The following INTS11 variants were observed in gnomAD, a reference collection of about 807,000 sequenced individuals.
INTS11 encodes the protein integrator complex subunit 11, also known as CPSF3-like protein.
Under a neutral mutation model 78.6 loss-of-function variants are expected in INTS11, and 77 were observed. The ratio of observed to expected loss-of-function variants is 0.98; its 90% CI spans 0.81 to 1.18. INTS11 has a LOEUF of 1.18. INTS11 is among the 50% of genes most tolerant of loss of function. The probability of loss-of-function intolerance (pLI) is 0.00; values close to 1 mark genes in which losing one functional copy is unlikely to be tolerated. For synonymous variants in INTS11, 441 were observed against 326.9 expected, an observed-to-expected ratio of 1.35 and a Z score of -3.77; for missense variants, 875 against 825.9, an observed-to-expected ratio of 1.06 and a Z score of -0.73.
chr1:1,317,447 G>A (rs1268030140), intron 4 of INTS11: 6 of 964,954 alleles, frequency 6.2e-6, no homozygotes, highest in Non-Finnish European at 7.4e-6. Context: ...AACACCATAT[G>A]ACACATAACC....
chr1:1,324,463 G>C (rs1431133748), intron 1 of INTS11, 118 bp downstream of exon 1: 8 of 1,090,248 alleles, frequency 7.3e-6, no homozygotes, highest in Non-Finnish European at 1.1e-5. Flanking sequence ...GGAGGAGACC[G>C]GAGGACGCCC....
chr1:1,311,983 G>C (rs1642197658), intron 16 of INTS11, 35 bp downstream of exon 16: 5 of 1,597,470 alleles, frequency 3.1e-6, no homozygotes, highest in East Asian at 2.2e-5. Flanking sequence ...GTTGATACCT[G>C]TGTTGACCGC....
intron 1 of INTS11, 107 bp from the exon 2 acceptor site, chr1:1,321,200 C>A: frequency 1.2e-6 from 1 of 825,270 alleles, no homozygotes; most frequent in South Asian, 1.6e-5. Flanking sequence ...ACCAAGTCTG[C>A]TGTGTGGACA....
At chr1:1,313,676 G>A in intron 9 of INTS11, 56 bp downstream of exon 9, 1 of 1,610,288 alleles carries the variant, frequency 6.2e-7, no homozygotes, top group Non-Finnish European at 8.5e-7. Context: ...GACACCTGCG[G>A]AAGACAGGAG....
chr1:1,313,607 G>T lies in INTS11; in HGVS notation c.958-15C>A, dbSNP rs757313978. 1.2e-6 allele frequency: 2 copies of T among 1,612,694 alleles called. No individual in the cohort carries two copies. The highest frequency in any genetic ancestry group is 2.7e-5 in the African/African-American group (2 of 74,954). On this transcript the variant is annotated splice_polypyrimidine_tract_variant and intron_variant, in intron 9 of 16. Coordinates refer to ENST00000435064, the MANE Select transcript of INTS11 (RefSeq NM_017871.6). ...GCAAACACAACCTACAGGACACACA[G>T]GGCCAGGTGGGGGGTCAGGGCAGCA...
intron 1 of INTS11, among the ~76,000 whole-genome samples, 174 bp downstream of exon 1, chr1:1,324,407 G>A (rs907189362): frequency 6.6e-6 from 1 of 152,148 alleles, no homozygotes; most frequent in African/African-American, 2.4e-5. Flanking sequence ...GAGGCCCGGG[G>A]TGCAGGGACT....
chr1:1,320,017 G>A (rs1166335331), intron 3 of INTS11: 1 of 107,794 alleles, frequency 9.3e-6, no homozygotes, highest in Non-Finnish European at 2.4e-5. Flanking sequence ...TCACGGGCCT[G>A]GCTGCTGGGG....
intron 2 of INTS11, chr1:1,320,730 CAG>C: frequency 5.5e-6 from 4 of 722,344 alleles, no homozygotes; most frequent in Non-Finnish European, 1.0e-5. Flanking sequence ...ACCTCACTGA[CAG>C]ATGTGAGCTG....
Position 1,314,907 on chromosome 1 carries a change from C to T in INTS11, c.619G>A (p.Ala207Thr), listed in dbSNP as rs1277734827. ...CGCTTGGAGTCACGGATGGTCGTGG[C>T]GTACGTGGACTCTGTGATGAGCAGG... The part of the protein sequence containing the change: ...PNLLITESTY[A>T]TTIRDSKRCR... Residue 207 changes from alanine to threonine, a missense_variant, in exon 7 of 17, where the codon GCC becomes ACC. Ala to Thr is a moderately conservative substitution (Grantham distance 58, BLOSUM62 0). Transcript: ENST00000435064. This position sits in a 1 kb window ranked among gnomAD's most constrained non-coding sequence, Gnocchi z 4.2. 4 of 1,613,054 alleles carry T rather than the reference C, an allele frequency of 2.5e-6. No individual in the cohort carries two copies. Among genetic ancestry groups the T allele is most frequent in the Middle Eastern group, 1.7e-4 (1 of 6,058 alleles).
Position 1,314,255 on chromosome 1 carries a change from A to C in INTS11, c.767+46T>G. On this transcript the variant is annotated intron_variant, in intron 8 of 16. Coordinates refer to ENST00000435064, the MANE Select transcript of INTS11 (RefSeq NM_017871.6). This position sits in a 1 kb window ranked among gnomAD's most constrained non-coding sequence, Gnocchi z 4.2. ...GCTGCCCACCAACTGGACTGTGTTC[A>C]GGCCGGGCCAGGGGCTCCTTAAAGA... is the stretch of plus-strand genomic sequence containing the variant. 6.6e-7 allele frequency: 1 copy of C among 1,521,454 alleles called. No homozygotes were observed. The highest frequency in any genetic ancestry group is 1.4e-5 in the African/African-American group (1 of 72,760). The allele number at this position is 1,521,454 out of a possible 1,614,324, so 94.2% of individuals were successfully genotyped here.
In INTS11 at chr1:1,314,536, A is replaced by G. The variant is rs1642455639; in HGVS notation, c.703-171T>C. On this transcript the variant is annotated intron_variant, in intron 7 of 16. Coordinates refer to ENST00000435064, the MANE Select transcript of INTS11 (RefSeq NM_017871.6). This position sits in a 1 kb window ranked among gnomAD's most constrained non-coding sequence, Gnocchi z 4.2. ...CTCTCCAGAGACAGAAGGGAGCCGT[A>G]TGAGAGACAGGAGGGAGCCGCATGA... is the stretch of plus-strand genomic sequence containing the variant. The G allele has an allele frequency of 1.5e-6, 1 of 660,270 alleles. No individual in the cohort carries two copies. Among genetic ancestry groups the G allele is most frequent in the Non-Finnish European group, 2.6e-6 (1 of 388,542 alleles). The allele number at this position is 660,270 out of a possible 1,614,324, so 40.9% of individuals were successfully genotyped here.
chr1:1,319,740 C>T (rs1371558705), intron 3 of INTS11: 8 of 569,308 alleles, frequency 1.4e-5, no homozygotes, highest in South Asian at 8.9e-5. Flanking sequence ...AAATTGAACA[C>T]GTCGGTGACG....
chr1:1,320,603 A>T, intron 2 of INTS11, 74 bp from the exon 3 acceptor site: 1 of 1,467,628 alleles, frequency 6.8e-7, no homozygotes, highest in Non-Finnish European at 9.5e-7. Context: ...TGCCCCAGGG[A>T]GGGGCCCCCA....
rs1557628703 is a variant in INTS11 at position 1,312,213 on chromosome 1, G to GC, written c.1607+12dup. On this transcript the variant is annotated intron_variant, in intron 15 of 16. Coordinates refer to ENST00000435064, the MANE Select transcript of INTS11 (RefSeq NM_017871.6). ...CCCAAGGGAGTGGGGGGGGGGCGGG[G>GC]CCGGGCGCCCACCTCTTGAGGTGGC... 16 of 934,818 alleles carry GC rather than the reference G, an allele frequency of 1.7e-5. No homozygotes were observed. Among genetic ancestry groups the GC allele is most frequent in the Non-Finnish European group, 2.0e-5 (13 of 636,762 alleles). 57.9% of individuals were successfully genotyped at this position (934,818 alleles called of 1,614,324 possible). A position where few individuals can be genotyped will look rare whatever the true frequency, so the allele number is the denominator to read the frequency against.
chr1:1,320,687 T>C (rs990980753), intron 2 of INTS11, 158 bp from the exon 3 acceptor site: 6 of 798,022 alleles, frequency 7.5e-6, no homozygotes, highest in Non-Finnish European at 1.3e-5. Flanking sequence ...CCCTGGCTGC[T>C]CACAGCATCC....
At chr1:1,316,575 A>C (rs186502861) in intron 4 of INTS11, 1 of 149,614 alleles carries the variant, frequency 6.7e-6, no homozygotes, top group East Asian at 2.0e-4. Context: ...AACAAGAGCG[A>C]GAGTGTCAAA....
chr1:1,314,463 C>T lies in INTS11; in HGVS notation c.703-98G>A. ...CGGCCAGGTGCCCAAGAGCTGCGGC[C>T]TCATAGGGACCTTAGCCTCTCATCT... On this transcript the variant is annotated intron_variant, in intron 7 of 16. Transcript: ENST00000435064. This position sits in a 1 kb window ranked among gnomAD's most constrained non-coding sequence, Gnocchi z 4.2. The T allele has an allele frequency of 1.9e-6, 2 of 1,072,666 alleles. No individual in the cohort carries two copies. The highest frequency in any genetic ancestry group is 2.6e-5 in the East Asian group (1 of 38,334). The allele number at this position is 1,072,666 out of a possible 1,614,324, so 66.4% of individuals were successfully genotyped here.
chr1:1,315,202 G>T (rs1420603266), intron 6 of INTS11: 1 of 732,582 alleles, frequency 1.4e-6, no homozygotes, highest in Admixed American at 2.6e-5. Context: ...GACTTGGGAA[G>T]AGAGAGAAGG....
intron 4 of INTS11, among the ~76,000 whole-genome samples, chr1:1,315,980 T>C (rs1158477363): frequency 2.6e-5 from 4 of 152,112 alleles, no homozygotes; most frequent in African/African-American, 9.7e-5. Context: ...GACCTGAAAT[T>C]GGAGTTTCCA....
Sources: allele counts gnomAD v4.1 joint callset (sites outside exome capture counted in the v4.1 genomes callset), GRCh38; gene constraint gnomAD v4.1.1; non-coding constraint Gnocchi (gnomAD v3.1); transcripts MANE v1.5; gene names NCBI Gene and HGNC (gene_info 2026-07-23, HGNC 2026-07-21).